TENM1: variants seen among roughly 807,000 people sequenced by gnomAD.
TENM1 encodes teneurin-1.
Under a neutral mutation model 174.8 loss-of-function variants are expected in TENM1, and 35 were observed. The ratio of observed to expected loss-of-function variants is 0.20; its 90% CI spans 0.15 to 0.27. The LOEUF (loss-of-function observed/expected upper bound fraction) is 0.27. Ranked by LOEUF, TENM1 falls within the 10% of genes least tolerant of loss-of-function variation. TENM1 has a pLI of 1.00. For missense variants in TENM1, 1,633 were observed against 2,130.1 expected (o/e 0.77, Z 4.59); for synonymous variants, 781 against 798.7 (o/e 0.98, Z 0.37).
At chrX:125,056,102 G>GAA in the TENM1 span, among the ~76,000 whole-genome samples, 1 of 102,826 alleles carries the variant, frequency 9.7e-6, no homozygotes, top group African/African-American at 3.5e-5. Context: ...GTTGCAGAAT[G>GAA]AAAAAAAAAA....
chrX:124,754,462 A>G (rs1459158269), intron 3 of TENM1, among the ~76,000 whole-genome samples: 2 of 110,892 alleles, frequency 1.8e-5, no homozygotes, highest in Admixed American at 9.6e-5. Flanking sequence ...TAACTTTTTG[A>G]AGGGTTTTTT....
At chrX:124,757,420 G>A (rs1213739146) in intron 3 of TENM1, among the ~76,000 whole-genome samples, 1 of 112,527 alleles carries the variant, frequency 8.9e-6, no homozygotes, top group Non-Finnish European at 1.9e-5. Context: ...ACTAGGAAAG[G>A]GAACTCCCTG....
chrX:124,559,185 G>A (rs1422808659), intron 14 of TENM1, among the ~76,000 whole-genome samples: 1 of 112,006 alleles, frequency 8.9e-6, no homozygotes, highest in East Asian at 2.8e-4. Context: ...GGTTGTTAAT[G>A]TGTTTTCTGA....
chrX:125,138,794 A>G, the TENM1 span, among the ~76,000 whole-genome samples: 1 of 110,543 alleles, frequency 9.0e-6, no homozygotes, highest in East Asian at 2.8e-4. Flanking sequence ...TAAAATAGGG[A>G]CATTTTTCTA....
At chrX:124,873,232 GA>G (rs1170589712) in intron 3 of TENM1, among the ~76,000 whole-genome samples, 2 of 108,450 alleles carry the variant, frequency 1.8e-5, no homozygotes, top group Admixed American at 9.8e-5. Context: ...GAGCATGCAG[GA>G]AAAAAAAATC....
intron 3 of TENM1, among the ~76,000 whole-genome samples, chrX:124,889,832 C>G (rs943054972): frequency 9.0e-6 from 1 of 111,561 alleles, no homozygotes; most frequent in Non-Finnish European, 1.9e-5. Flanking sequence ...ACTACAGTCA[C>G]CTTGTATTCT....
At chrX:124,895,831 T>C (rs2057553026) in intron 2 of TENM1, 150 bp downstream of exon 5, 1 of 598,236 alleles carries the variant, frequency 1.7e-6, no homozygotes, top group Admixed American at 3.7e-5. Context: ...GATACTTAGG[T>C]GCATGCCTTG....
At chrX:124,860,718 A>C (rs1209840915) in intron 3 of TENM1, among the ~76,000 whole-genome samples, 2 of 111,915 alleles carry the variant, frequency 1.8e-5, no homozygotes, top group Admixed American at 9.5e-5. Flanking sequence ...ATAAAGTACA[A>C]AAAAATTATT....
intron 5 of TENM1, among the ~76,000 whole-genome samples, chrX:124,702,566 T>A (rs2052801239): frequency 8.9e-6 from 1 of 112,429 alleles, no homozygotes. Flanking sequence ...TCTAATTGAA[T>A]TTGTAATTTA....
the TENM1 span, among the ~76,000 whole-genome samples, chrX:124,972,187 C>T: frequency 0.028 from 3,006 of 107,563 alleles, 127 homozygotes; most frequent in African/African-American, 0.098. Flanking sequence ...GAGACAAGAT[C>T]GTGCCACTGC....
intron 6 of TENM1, among the ~76,000 whole-genome samples, chrX:124,662,822 C>T (rs1308123877): frequency 8.9e-6 from 1 of 111,809 alleles, no homozygotes; most frequent in Non-Finnish European, 1.9e-5. Flanking sequence ...TATTTCTGTA[C>T]AACAGTTTGT....
intron 20 of TENM1, among the ~76,000 whole-genome samples, chrX:124,490,662 T>C (rs2047047158): frequency 8.9e-6 from 1 of 112,505 alleles, no homozygotes; most frequent in Non-Finnish European, 1.9e-5. Flanking sequence ...TGCCAGGCTC[T>C]TATTTTCTTA....
chrX:124,977,967 TGAGAGAGAGAGAGA>T, the TENM1 span, among the ~76,000 whole-genome samples: 168 of 33,054 alleles, frequency 5.1e-3, no homozygotes, highest in African/African-American at 0.017. Context: ...TGTGTGTGTG[TGAGAGAGAGAGAGA>T]GAGAGAGAGA....
the TENM1 span, among the ~76,000 whole-genome samples, chrX:125,172,665 G>A: frequency 2.1e-5 from 2 of 93,702 alleles, no homozygotes; most frequent in Admixed American, 1.3e-4. Flanking sequence ...AGAGGGAGGC[G>A]TGAAACTAGA....
chrX:124,953,815 C>A (rs1249772386), intron 1 of TENM1, among the ~76,000 whole-genome samples: 1 of 111,903 alleles, frequency 8.9e-6, no homozygotes, highest in Non-Finnish European at 1.9e-5. Context: ...GAAGAAAACA[C>A]TAGAATCAAT....
the TENM1 span, among the ~76,000 whole-genome samples, chrX:125,126,532 A>G: frequency 3.7e-3 from 410 of 111,532 alleles, 3 homozygotes; most frequent in Middle Eastern, 9.2e-3. Context: ...GGCATATCTA[A>G]GTACCAAGGG....
At chrX:124,520,210 T>C (rs1022199957) in intron 18 of TENM1, among the ~76,000 whole-genome samples, 1 of 111,872 alleles carries the variant, frequency 8.9e-6, no homozygotes, top group Non-Finnish European at 1.9e-5. Flanking sequence ...CATGGCCTTA[T>C]AGAACGCCAC....
chrX:124,495,889 C>G (rs2047189722), intron 20 of TENM1, among the ~76,000 whole-genome samples: 1 of 102,651 alleles, frequency 9.7e-6, no homozygotes, highest in Non-Finnish European at 2.0e-5. Context: ...CATATGGAAC[C>G]AAAAAAGAGC....
the TENM1 span, among the ~76,000 whole-genome samples, chrX:125,197,126 A>G: frequency 8.9e-6 from 1 of 111,855 alleles, no homozygotes; most frequent in Non-Finnish European, 1.9e-5. Context: ...AGATTTTCCC[A>G]GAAGTATGCA....
Sources: allele counts gnomAD v4.1 joint callset (sites outside exome capture counted in the v4.1 genomes callset), GRCh38; gene constraint gnomAD v4.1.1; transcripts MANE v1.5; gene names NCBI Gene and HGNC (gene_info 2026-07-23, HGNC 2026-07-21).